The following GRM7 variants were observed in gnomAD, a reference collection of about 807,000 sequenced individuals.
The protein encoded by GRM7 is glutamate metabotropic receptor 7, also known as metabotropic glutamate receptor 7.
A neutral mutation model predicts 84.5 loss-of-function variants in GRM7; 35 were observed. The ratio of observed to expected loss-of-function variants is 0.41; its 90% CI spans 0.32 to 0.55. The LOEUF (loss-of-function observed/expected upper bound fraction) is 0.55, where lower values mean the gene tolerates loss of function less well. Ranked by LOEUF, GRM7 falls within the 20% of genes least tolerant of loss-of-function variation. GRM7 has a pLI of 0.19. For synonymous variants in GRM7, 487 were observed against 455.1 expected, an observed-to-expected ratio of 1.07 and a Z score of -0.89; for missense variants, 1,003 against 1,194.6, an observed-to-expected ratio of 0.84 and a Z score of 2.36.
At chr3:7,723,836 G>C (rs1192384558) in intron 9 of GRM7, among the ~76,000 whole-genome samples, 1 of 152,054 alleles carries the variant, frequency 6.6e-6, no homozygotes, top group African/African-American at 2.4e-5. Flanking sequence ...AACAGAGTGA[G>C]AGCACCCCAC....
intron 4 of GRM7, among the ~76,000 whole-genome samples, chr3:7,398,299 A>G (rs555369916): frequency 6.6e-6 from 1 of 152,304 alleles, no homozygotes; most frequent in East Asian, 1.9e-4. Context: ...TATCAGTTCC[A>G]TGAAACGAAA....
intron 4 of GRM7, among the ~76,000 whole-genome samples, chr3:7,308,352 C>T (rs1198472681): frequency 8.8e-6 from 1 of 113,574 alleles, no homozygotes; most frequent in East Asian, 2.6e-4. Flanking sequence ...CTATGGCATC[C>T]CACACATCTC....
At chr3:7,446,812 A>T (rs62233372) in intron 5 of GRM7, among the ~76,000 whole-genome samples, 4 of 151,868 alleles carry the variant, frequency 2.6e-5, no homozygotes, top group African/African-American at 7.3e-5. Flanking sequence ...TTCATTTTCC[A>T]TATCTTTTTT....
intron 1 of GRM7, among the ~76,000 whole-genome samples, chr3:6,878,593 GA>G (rs1448712169): frequency 2.0e-5 from 3 of 151,786 alleles, no homozygotes; most frequent in East Asian, 3.9e-4. Context: ...AGACATGGAA[GA>G]AAATTCCACT....
chr3:7,144,974 G>A (rs1378574328), intron 1 of GRM7, among the ~76,000 whole-genome samples: 1 of 152,176 alleles, frequency 6.6e-6, no homozygotes, highest in East Asian at 1.9e-4. Context: ...TGATTTCAGG[G>A]CCACAGGACT....
intron 1 of GRM7, among the ~76,000 whole-genome samples, chr3:6,886,624 T>C (rs1235949641): frequency 6.6e-6 from 1 of 152,068 alleles, no homozygotes; most frequent in Non-Finnish European, 1.5e-5. Flanking sequence ...ATTTTTTTTC[T>C]GTAAAAAAAT....
chr3:7,380,444 A>C (rs1191336791), intron 4 of GRM7, among the ~76,000 whole-genome samples: 1 of 152,344 alleles, frequency 6.6e-6, no homozygotes, highest in Admixed American at 6.5e-5. Context: ...ACTAGAGTTG[A>C]AATGTTGCAT....
At position 7,083,454 on chromosome 3, in the gene GRM7, G is replaced by A. The variant is rs73808651; in HGVS notation, c.520-62998G>A. On this transcript the variant is annotated intron_variant, in intron 1 of 9. Coordinates refer to ENST00000357716, the MANE Select transcript of GRM7 (RefSeq NM_000844.4). Reference sequence around the variant, plus strand: ...AAACCAAAAAAACCTCATGTGACTCGCTTTACTGTGGTGGTCTGGAGCCAA... The same window carrying A: ...AAACCAAAAAAACCTCATGTGACTCACTTTACTGTGGTGGTCTGGAGCCAA... Among the ~76,000 whole-genome samples, 108 of 152,198 alleles carry A rather than the reference G, an allele frequency of 7.1e-4. 2 individuals carry two copies. Among genetic ancestry groups the A allele is most frequent in the African/African-American group, 2.4e-3 (98 of 41,528 alleles).
At chr3:7,560,315 A>G (rs1308755709) in intron 7 of GRM7, 1 of 152,078 alleles carries the variant, frequency 6.6e-6, no homozygotes, top group Non-Finnish European at 1.5e-5. Flanking sequence ...ATGCTCCCAT[A>G]TCCTCCTCAC....
At chr3:6,958,077 A>ATATG (rs1553601426) in intron 1 of GRM7, among the ~76,000 whole-genome samples, 30 of 150,782 alleles carry the variant, frequency 2.0e-4, no homozygotes, top group African/African-American at 5.8e-4. Flanking sequence ...ATGTGTATAT[A>ATATG]TGTGTGTGTG....
At chr3:7,455,643 A>T (rs1433028224) in intron 6 of GRM7, among the ~76,000 whole-genome samples, 5 of 152,206 alleles carry the variant, frequency 3.3e-5, no homozygotes, top group African/African-American at 1.2e-4. Context: ...AGTACTTTTC[A>T]AAAGTGTCCA....
At chr3:7,736,212 ATTGT>A (rs1257179906) in intron 9 of GRM7, among the ~76,000 whole-genome samples, 6 of 152,142 alleles carry the variant, frequency 3.9e-5, no homozygotes, top group South Asian at 4.1e-4. Context: ...TAAAAATTAG[ATTGT>A]TTCTTATTTA....
chr3:7,052,576 A>G (rs1403517361), intron 1 of GRM7, among the ~76,000 whole-genome samples: 1 of 144,582 alleles, frequency 6.9e-6, no homozygotes, highest in Non-Finnish European at 1.5e-5. Flanking sequence ...CACACAGACA[A>G]GTCTGTGACC....
chr3:6,991,398 G>C (rs1694629621), intron 1 of GRM7, among the ~76,000 whole-genome samples: 1 of 152,048 alleles, frequency 6.6e-6, no homozygotes, highest in African/African-American at 2.4e-5. Context: ...ACGCTTGACT[G>C]CAAGCAAAAA....
intron 1 of GRM7, among the ~76,000 whole-genome samples, chr3:6,867,530 G>A (rs540427782): frequency 1.2e-4 from 18 of 152,004 alleles, no homozygotes; most frequent in African/African-American, 3.6e-4. Context: ...ATATCCCCAG[G>A]GCACAGAAAC....
intron 8 of GRM7, among the ~76,000 whole-genome samples, chr3:7,585,830 G>C (rs952383475): frequency 2.6e-5 from 4 of 152,166 alleles, no homozygotes; most frequent in Admixed American, 6.5e-5. Flanking sequence ...CTTTCTCAAA[G>C]CACAGGAAAC....
At chr3:6,898,796 C>A (rs574938188) in intron 1 of GRM7, among the ~76,000 whole-genome samples, 2 of 147,124 alleles carry the variant, frequency 1.4e-5, no homozygotes, top group Non-Finnish European at 1.5e-5. Flanking sequence ...CACTACAGGG[C>A]AGCAGTATGA....
chr3:6,960,933 A>T (rs775225101), intron 1 of GRM7, among the ~76,000 whole-genome samples: 4 of 152,204 alleles, frequency 2.6e-5, no homozygotes, highest in Non-Finnish European at 5.9e-5. Context: ...CCTGGTTGTC[A>T]TAGTTGTCTG....
intron 2 of GRM7, among the ~76,000 whole-genome samples, chr3:7,280,007 A>C (rs1201346715): frequency 3.3e-5 from 5 of 152,158 alleles, no homozygotes; most frequent in Non-Finnish European, 5.9e-5. Flanking sequence ...ACCACAGGAG[A>C]ATCTTTCTTG....
Sources: gnomAD v4.1 joint callset for allele counts (sites outside exome capture counted in the v4.1 genomes callset) on GRCh38, gnomAD v4.1.1 for gene constraint, MANE v1.5 for transcripts, NCBI Gene and HGNC (gene_info 2026-07-23, HGNC 2026-07-21) for gene names.